Variants in ATAD2B observed in about 807,000 individuals in gnomAD.
ATAD2B encodes the protein ATPase family AAA domain containing 2B, also known as ATPase family AAA domain-containing protein 2B.
ATAD2B carries 40 observed loss-of-function variants against 167.6 expected under a neutral mutation model. The observed-to-expected ratio is 0.24, with a 90% CI of 0.19 to 0.31. The LOEUF is 0.31. Among genes scored for constraint, ATAD2B ranks in the 10% least tolerant of loss-of-function variants. ATAD2B has a pLI of 1.00. For missense variants in ATAD2B, 1,242 were observed against 1,757.2 expected, an observed-to-expected ratio of 0.71 and a Z score of 5.24; for synonymous variants, 579 against 596.5, an observed-to-expected ratio of 0.97 and a Z score of 0.43.
the ATAD2B span, among the ~76,000 whole-genome samples, chr2:23,742,394 G>A: frequency 6.6e-6 from 1 of 151,964 alleles, no homozygotes; most frequent in Non-Finnish European, 1.5e-5. Context: ...ATGAGTTCAT[G>A]TCCTTTGTAG....
At chr2:23,903,237 A>AAAATAAATAAATAAATAAAT (rs3029919) in intron 1 of ATAD2B, among the ~76,000 whole-genome samples, 6,956 of 145,566 alleles carry the variant, frequency 0.048, 218 homozygotes, top group Non-Finnish European at 0.07. Context: ...CTGTGTCTCA[A>AAAATAAATAAATAAATAAAT]AAATAAATAA....
chr2:23,746,334 T>G (rs1023409998), downstream of ATAD2B, among the ~76,000 whole-genome samples: 7 of 152,178 alleles, frequency 4.6e-5, no homozygotes, highest in Admixed American at 3.9e-4. Flanking sequence ...ATCTGTAAAA[T>G]GGGGATAATA....
chr2:23,819,308 T>C (rs1305595763), intron 17 of ATAD2B, among the ~76,000 whole-genome samples: 3 of 152,012 alleles, frequency 2.0e-5, no homozygotes, highest in Admixed American at 2.0e-4. Context: ...CTGGACAACA[T>C]AGTGAAACCC....
At chr2:23,806,143 T>G (rs956077864) in intron 18 of ATAD2B, 1 of 152,240 alleles carries the variant, frequency 6.6e-6, no homozygotes, top group Non-Finnish European at 1.5e-5. Context: ...GAAATTACTT[T>G]CACACATAAG....
chr2:23,769,434 C>A (rs1677960017), intron 22 of ATAD2B, among the ~76,000 whole-genome samples: 1 of 151,634 alleles, frequency 6.6e-6, no homozygotes, highest in African/African-American at 2.4e-5. Context: ...AGGAAGACAG[C>A]GTCTCTTTAT....
intron 1 of ATAD2B, among the ~76,000 whole-genome samples, chr2:23,914,126 A>G (rs557006863): frequency 2.6e-4 from 40 of 152,326 alleles, no homozygotes; most frequent in African/African-American, 8.9e-4. Context: ...TAGTATTGCC[A>G]TAAGCATAAA....
chr2:23,891,355 C>T (rs979121273), intron 2 of ATAD2B, among the ~76,000 whole-genome samples: 4 of 152,110 alleles, frequency 2.6e-5, no homozygotes, highest in African/African-American at 4.8e-5. Context: ...CCTGCTTAAA[C>T]GTATATGCCT....
the ATAD2B span, among the ~76,000 whole-genome samples, chr2:23,737,295 C>A: frequency 1.1e-3 from 171 of 152,298 alleles, 2 homozygotes; most frequent in South Asian, 2.1e-3. Context: ...GGGAGGCACT[C>A]CCAGTAGGAG....
intron 22 of ATAD2B, among the ~76,000 whole-genome samples, chr2:23,781,311 T>C (rs1020067457): frequency 4.0e-5 from 6 of 151,252 alleles, no homozygotes; most frequent in African/African-American, 1.5e-4. Flanking sequence ...AGACAAAACA[T>C]GAACATTGTC....
intron 22 of ATAD2B, among the ~76,000 whole-genome samples, chr2:23,772,348 G>C (rs1678458200): frequency 1.3e-5 from 2 of 152,006 alleles, no homozygotes; most frequent in East Asian, 3.9e-4. Context: ...TCTAATTTTA[G>C]CTACTATAAA....
chr2:23,880,903 A>G, intron 6 of ATAD2B, 148 bp from the exon 7 acceptor site: 1 of 587,962 alleles, frequency 1.7e-6, no homozygotes, highest in Non-Finnish European at 2.9e-6. Context: ...TAAAGCATAC[A>G]TAATTAAAAA....
At chr2:23,787,587 A>G (rs994941182) in intron 20 of ATAD2B, among the ~76,000 whole-genome samples, 3 of 152,058 alleles carry the variant, frequency 2.0e-5, no homozygotes, top group Admixed American at 2.0e-4. Context: ...AGGAGCCACT[A>G]AAGAACAATA....
In ATAD2B at chr2:23,926,602, T is replaced by C. The variant is rs1704888665; in HGVS notation, c.169A>G (p.Lys57Glu). The C allele has an allele frequency of 6.4e-7, 1 of 1,564,468 alleles. No homozygotes were observed. Among genetic ancestry groups the C allele is most frequent in the Non-Finnish European group, 8.7e-7 (1 of 1,155,932 alleles). Residue 57 changes from lysine (K) to glutamate (E), a missense_variant, in exon 1 of 28, where the codon AAA (lysine) becomes GAA (glutamate). This residue lies in a region of ATAD2B where 199 missense variants were observed against 194.9 expected (regional missense o/e 1.02). Coordinates refer to ENST00000238789, the MANE Select transcript of ATAD2B (RefSeq NM_017552.4). The stretch of plus-strand genomic sequence containing the variant: ...CCGGCGCCACCGCTTCCCCCGGCTT[T>C]GGCGGCGGGGCAGCTGGCGGCGCGG... Reference protein sequence around the residue: ...KTRAASCPAAKAGGSGGAGVT... With the variant: ...KTRAASCPAAEAGGSGGAGVT...
At chr2:23,807,975 ATATATT>A (rs1422626245) in intron 18 of ATAD2B, among the ~76,000 whole-genome samples, 1 of 115,928 alleles carries the variant, frequency 8.6e-6, no homozygotes, top group Non-Finnish European at 1.8e-5. Context: ...TATATTATAA[ATATATT>A]TATATATAAA....
At chr2:23,760,169 C>T (rs1401403732) in intron 24 of ATAD2B, among the ~76,000 whole-genome samples, 1 of 152,162 alleles carries the variant, frequency 6.6e-6, no homozygotes, top group Non-Finnish European at 1.5e-5. Context: ...TGGTCTTAAT[C>T]TTTGGGAAGT....
intron 13 of ATAD2B, among the ~76,000 whole-genome samples, chr2:23,840,108 C>T (rs947493620): frequency 6.6e-6 from 1 of 151,992 alleles, no homozygotes; most frequent in African/African-American, 2.4e-5. Flanking sequence ...ATAGATATGC[C>T]ACAATTTGTT....
the ATAD2B span, among the ~76,000 whole-genome samples, chr2:23,681,689 G>T: frequency 0.011 from 1,623 of 152,234 alleles, 25 homozygotes; most frequent in African/African-American, 0.037. This position sits in a 1 kb window ranked among gnomAD's most constrained non-coding sequence, Gnocchi z 4.2. Context: ...CTGGCCCAGG[G>T]TCACACACCA....
intron 2 of ATAD2B, among the ~76,000 whole-genome samples, chr2:23,892,201 T>C (rs1389128940): frequency 6.6e-6 from 1 of 152,218 alleles, no homozygotes; most frequent in Non-Finnish European, 1.5e-5. Context: ...TCTCGCTCTG[T>C]GGCCCAGGCT....
At chr2:23,850,756 A>T (rs1351232762) in intron 13 of ATAD2B, among the ~76,000 whole-genome samples, 1 of 152,204 alleles carries the variant, frequency 6.6e-6, no homozygotes, top group East Asian at 1.9e-4. Flanking sequence ...GTCATTACAC[A>T]TTTGTTGAAA....
Sources: allele counts gnomAD v4.1 joint callset (sites outside exome capture counted in the v4.1 genomes callset), GRCh38; gene constraint gnomAD v4.1.1; regional missense constraint gnomAD v4.1.1; non-coding constraint Gnocchi (gnomAD v3.1); transcripts MANE v1.5; gene names NCBI Gene and HGNC (gene_info 2026-07-23, HGNC 2026-07-21).